The following SCLY variants were observed in gnomAD, a reference collection of about 807,000 sequenced individuals.
SCLY encodes selenocysteine lyase.
In SCLY, 38 loss-of-function variants were observed where a neutral mutation model predicts 50.1. That is an observed-to-expected ratio of 0.76 (90% CI 0.59 to 0.99). The LOEUF (loss-of-function observed/expected upper bound fraction) is 0.99, where lower values mean the gene tolerates loss of function less well. Ranked by LOEUF, SCLY falls within the 50% of genes least tolerant of loss-of-function variation. The pLI, the probability that SCLY is intolerant of heterozygous loss-of-function variation, is 0.00. For missense variants in SCLY, 600 were observed against 620.0 expected, an observed-to-expected ratio of 0.97 and a Z score of 0.34; for synonymous variants, 243 against 249.4, an observed-to-expected ratio of 0.97 and a Z score of 0.24.
chr2:238,090,876 A>G (rs1055016173), intron 7 of SCLY, among the ~76,000 whole-genome samples: 3 of 152,164 alleles, frequency 2.0e-5, no homozygotes, highest in Non-Finnish European at 4.4e-5. Flanking sequence ...GTTCCATACT[A>G]TACTGATTTG....
intron 4 of SCLY, among the ~76,000 whole-genome samples, chr2:238,077,918 C>T (rs2065189691): frequency 6.6e-6 from 1 of 151,868 alleles, no homozygotes; most frequent in Non-Finnish European, 1.5e-5. Context: ...AGCCCAAGAT[C>T]CCTGAACAAG....
At position 238,069,285 on chromosome 2, in the gene SCLY, G is replaced by A. The variant is rs574473455; in HGVS notation, c.304-12G>A. ...AGTTTTTGTAAATGCTTTTTTTGCT[G>A]TATCTCTGCAGTCAAATAATTTAGT... On this transcript the variant is annotated splice_polypyrimidine_tract_variant and intron_variant, in intron 3 of 11. Coordinates refer to ENST00000254663, the MANE Select transcript of SCLY (RefSeq NM_016510.7). The surrounding 1 kb of genome is among the most constrained non-coding windows in gnomAD (Gnocchi z 5.0). 1 of 1,609,706 alleles carries A rather than the reference G, an allele frequency of 6.2e-7. No individual in the cohort carries two copies. The highest frequency in any genetic ancestry group is 1.1e-5 in the South Asian group (1 of 90,130).
intron 2 of SCLY, among the ~76,000 whole-genome samples, chr2:238,065,713 C>T (rs1223778085): frequency 7.4e-6 from 1 of 135,856 alleles, no homozygotes; most frequent in African/African-American, 3.0e-5. Flanking sequence ...GTCTCGCTCT[C>T]GCCCAGGCTG....
rs1385729019 is a variant in SCLY at position 238,081,743 on chromosome 2, G to T, written c.519G>T (p.Gly173=). Reference sequence around the variant, plus strand: ...TTGTCCCGGTGTCCAAGGTGAGCGGGCAGGCAGAGGTGGACGACATCCTCG... The same window carrying T: ...TTGTCCCGGTGTCCAAGGTGAGCGGTCAGGCAGAGGTGGACGACATCCTCG... ...VTFVPVSKVS[G]QAEVDDILAA... is the part of the protein sequence containing the mutation. Residue 173 remains glycine, a synonymous_variant, in exon 5 of 12, where the codon GGG becomes GGT. Transcript: ENST00000254663. The T allele has an allele frequency of 6.2e-7, 1 of 1,614,228 alleles. No individual in the cohort carries two copies.
intron 1 of SCLY, among the ~76,000 whole-genome samples, chr2:238,063,031 G>A (rs2065032762): frequency 6.6e-6 from 1 of 152,138 alleles, no homozygotes; most frequent in Admixed American, 6.5e-5. Flanking sequence ...CCTGTTGTGT[G>A]GCAACCATGG....
At chr2:238,070,832 C>CT (rs747025163) in intron 4 of SCLY, among the ~76,000 whole-genome samples, 101 of 144,756 alleles carry the variant, frequency 7.0e-4, no homozygotes, top group East Asian at 9.9e-4. Flanking sequence ...TTTTTGGTAC[C>CT]TTTTTTTTTT....
intron 4 of SCLY, among the ~76,000 whole-genome samples, chr2:238,071,470 G>A (rs993833494): frequency 6.6e-6 from 1 of 151,826 alleles, no homozygotes; most frequent in East Asian, 1.9e-4. Context: ...TTAGCCGGGC[G>A]TGGTGGTGGG....
chr2:238,097,933 T>G (rs1392517038), intron 11 of SCLY, among the ~76,000 whole-genome samples: 1 of 152,022 alleles, frequency 6.6e-6, no homozygotes, highest in Non-Finnish European at 1.5e-5. Flanking sequence ...GCCCCAGAGC[T>G]CAGTGCGAGA....
chr2:238,098,932 C>G lies in SCLY; in HGVS notation c.*577C>G. On this transcript the variant is annotated 3_prime_UTR_variant, in exon 12 of 12. Transcript: ENST00000254663. The stretch of plus-strand genomic sequence containing the variant: ...CCCTTTCCAAAGCTGCCCCCACCAC[C>G]CTGCTCCTCTGGCCTCAGTGCACAG... 1 of 226,360 alleles carries G rather than the reference C, an allele frequency of 4.4e-6. No homozygotes were observed. Among genetic ancestry groups the G allele is most frequent in the South Asian group, 6.7e-5 (1 of 14,836 alleles). 14.0% of individuals were successfully genotyped at this position (226,360 alleles called of 1,614,324 possible). A position where few individuals can be genotyped will look rare whatever the true frequency, so the allele number is the denominator to read the frequency against.
chr2:238,072,619 T>A (rs902998947), intron 4 of SCLY, among the ~76,000 whole-genome samples: 19 of 152,222 alleles, frequency 1.2e-4, no homozygotes, highest in African/African-American at 4.3e-4. Context: ...TGATTTACAA[T>A]TCCCTGATGG....
At position 238,084,590 on chromosome 2, in the gene SCLY, CAA is replaced by C. The variant is rs539648649; in HGVS notation, c.884+1258_884+1259del. Among the ~76,000 whole-genome samples, 422 of 44,640 alleles carry C rather than the reference CAA, an allele frequency of 9.5e-3. 2 individuals are homozygous for C. Among genetic ancestry groups the C allele is most frequent in the African/African-American group, 0.032 (327 of 10,078 alleles). The allele number at this position is 44,640 out of a possible 152,430, so 29.3% of individuals were successfully genotyped here. A position where few individuals can be genotyped will look rare whatever the true frequency, so the allele number is the denominator to read the frequency against. ...TGGGTGACAGAACAAGACTCTGTCT[CAA>C]AAAAAAAAAAAAAAAAAAAAAGCCC... On this transcript the variant is annotated intron_variant, in intron 7 of 11. Transcript: ENST00000254663.
intron 10 of SCLY, 133 bp downstream of exon 10, chr2:238,094,655 T>C: frequency 1.3e-6 from 1 of 764,136 alleles, no homozygotes; most frequent in Non-Finnish European, 2.2e-6. Context: ...AGGGCCTTGC[T>C]GGGGTTGCCA....
intron 2 of SCLY, 22 bp downstream of exon 2, chr2:238,064,491 G>A (rs753987734): frequency 5.2e-6 from 8 of 1,536,816 alleles, no homozygotes; most frequent in Admixed American, 3.6e-5. Context: ...AGATGCACGT[G>A]TTCACTGATG....
chr2:238,078,465 T>C (rs1236802136), intron 4 of SCLY: 3 of 152,192 alleles, frequency 2.0e-5, no homozygotes. Context: ...AATTCTTTAG[T>C]GCTTTTTTCA....
chr2:238,098,855 T>C lies in SCLY; in HGVS notation c.*500T>C, dbSNP rs942767294. On this transcript the variant is annotated 3_prime_UTR_variant, in exon 12 of 12. Transcript: ENST00000254663. ...AAACTTGATTTTTTTGTTTTGATCA[T>C]GGCCTCTACATGCACCTTTCCAGAG... 3.9e-6 allele frequency: 1 copy of C among 257,568 alleles called. No individual in the cohort carries two copies. Among genetic ancestry groups the C allele is most frequent in the Non-Finnish European group, 7.2e-6 (1 of 138,370 alleles). 16.0% of individuals were successfully genotyped at this position (257,568 alleles called of 1,614,324 possible).
chr2:238,094,512 C>T lies in SCLY; in HGVS notation c.1098C>T (p.Pro366=). 1 of 1,614,026 alleles carries T rather than the reference C, an allele frequency of 6.2e-7. No individual in the cohort carries two copies. Among genetic ancestry groups the T allele is most frequent in the Non-Finnish European group, 8.5e-7 (1 of 1,179,890 alleles). The change falls in exon 10 of 12, where the codon CCC becomes CCT. Residue 366 remains proline, a synonymous_variant. Transcript: ENST00000254663. ...CCTGTAACTTTTCCATCCGGGGACC[C>T]CGGCTTCAAGGTGATGGCCCCTCAC... ...PNTCNFSIRG[P]RLQGHVVLAQ...
chr2:238,086,297 T>A lies in SCLY; in HGVS notation c.884+2943T>A, dbSNP rs560403501. Among the ~76,000 whole-genome samples the A allele has an allele frequency of 2.6e-5, 4 of 152,350 alleles. No individual in the cohort carries two copies. In the South Asian group the frequency reaches 8.3e-4, roughly 32 times the overall value. The stretch of plus-strand genomic sequence containing the variant: ...CGTTTGATAGCAGAAGCAAAAATCT[T>A]AGCAATATCTGATGTGGTTCAAAAT... On this transcript the variant is annotated intron_variant, in intron 7 of 11. Coordinates refer to ENST00000254663, the MANE Select transcript of SCLY (RefSeq NM_016510.7).
At chr2:238,088,184 G>A (rs11678642) in intron 7 of SCLY, among the ~76,000 whole-genome samples, 9,469 of 152,290 alleles carry the variant, frequency 0.062, 304 homozygotes, top group African/African-American at 0.079. Context: ...ATCTAGAGCC[G>A]GGAGTGGTAG....
At chr2:238,063,586 G>A (rs1231034022) in intron 1 of SCLY, among the ~76,000 whole-genome samples, 2 of 152,188 alleles carry the variant, frequency 1.3e-5, no homozygotes, top group Admixed American at 6.5e-5. Context: ...TTGGAACAAA[G>A]ACCTAAAAAA....
Sources: allele counts gnomAD v4.1 joint callset (sites outside exome capture counted in the v4.1 genomes callset), GRCh38; gene constraint gnomAD v4.1.1; non-coding constraint Gnocchi (gnomAD v3.1); transcripts MANE v1.5; gene names NCBI Gene and HGNC (gene_info 2026-07-23, HGNC 2026-07-21).